CTNNA3: variants seen among roughly 807,000 people sequenced by gnomAD.
CTNNA3 encodes catenin alpha-3.
CTNNA3 carries 76 observed loss-of-function variants against 95.7 expected under a neutral mutation model. That is an observed-to-expected ratio of 0.79 (90% confidence interval 0.66 to 0.96). The LOEUF (loss-of-function observed/expected upper bound fraction) is 0.96. Ranked by LOEUF, CTNNA3 falls within the 40% of genes least tolerant of loss-of-function variation. The probability of loss-of-function intolerance (pLI) is 0.00; values close to 1 mark genes in which losing one functional copy is unlikely to be tolerated. For missense variants in CTNNA3, 1,191 were observed against 1,089.8 expected (o/e 1.09, Z -1.31); for synonymous variants, 431 against 374.4 (o/e 1.15, Z -1.74).
At chr10:66,379,478 G>A in intron 11 of CTNNA3, 126 bp from the exon 12 acceptor site, 1 of 780,908 alleles carries the variant, frequency 1.3e-6, no homozygotes, top group South Asian at 1.9e-5. Context: ...GGAAGACTTT[G>A]AGAATTATAA....
At chr10:66,111,565 G>A (rs558448786) in intron 13 of CTNNA3, among the ~76,000 whole-genome samples, 126 of 152,324 alleles carry the variant, frequency 8.3e-4, no homozygotes, top group South Asian at 1.9e-3. Flanking sequence ...TAGATACTGG[G>A]AATCTTGAAG....
Position 67,605,530 on chromosome 10 carries a change from C to A in CTNNA3, c.292+1327G>T, listed in dbSNP as rs530870166. ...GATTTAGATGCTCTTGCTACACACA[C>A]AAAAAAATGGGTAACTGTGAGATTA... is the stretch of plus-strand genomic sequence containing the variant. On this transcript the variant is annotated intron_variant, in intron 3 of 17. Coordinates refer to ENST00000433211, the MANE Select transcript of CTNNA3 (RefSeq NM_013266.4). Among the ~76,000 whole-genome samples the A allele has an allele frequency of 3.8e-4, 57 of 151,894 alleles. No individual in the cohort carries two copies. The South Asian group carries it at 0.01, about 28-fold the overall frequency.
intron 5 of CTNNA3, among the ~76,000 whole-genome samples, chr10:67,505,450 C>T (rs1468149630): frequency 6.6e-6 from 1 of 152,042 alleles, no homozygotes; most frequent in Non-Finnish European, 1.5e-5. Flanking sequence ...CATTCTGCAC[C>T]AAAAGTACCA....
At chr10:66,472,603 A>C (rs770719244) in intron 11 of CTNNA3, among the ~76,000 whole-genome samples, 1 of 152,034 alleles carries the variant, frequency 6.6e-6, no homozygotes, top group Non-Finnish European at 1.5e-5. Context: ...GTTCTCTACA[A>C]TAACAAAATT....
chr10:66,956,881 C>T (rs565905688), intron 7 of CTNNA3, among the ~76,000 whole-genome samples: 2 of 152,158 alleles, frequency 1.3e-5, no homozygotes, highest in East Asian at 1.9e-4. Context: ...CATCCTCCTA[C>T]GGGACAAAAA....
intron 9 of CTNNA3, among the ~76,000 whole-genome samples, chr10:66,729,360 A>G (rs1403069095): frequency 6.6e-6 from 1 of 152,262 alleles, no homozygotes; most frequent in Non-Finnish European, 1.5e-5. Context: ...GAGAGTGCAA[A>G]TTAGTTCAAC....
At chr10:66,364,497 T>C (rs1252504207) in intron 12 of CTNNA3, among the ~76,000 whole-genome samples, 2 of 152,136 alleles carry the variant, frequency 1.3e-5, no homozygotes, top group Non-Finnish European at 2.9e-5. Context: ...CACTTTTTTA[T>C]ATTTTGGACA....
intron 5 of CTNNA3, among the ~76,000 whole-genome samples, chr10:67,384,498 A>G (rs568763607): frequency 6.6e-6 from 1 of 152,308 alleles, no homozygotes; most frequent in South Asian, 2.1e-4. Flanking sequence ...AAAGGTACTG[A>G]GTTACATGTT....
intron 10 of CTNNA3, among the ~76,000 whole-genome samples, chr10:66,588,964 C>T (rs182119478): frequency 1.3e-5 from 2 of 152,092 alleles, no homozygotes; most frequent in Non-Finnish European, 2.9e-5. Context: ...GTTATAAAAA[C>T]CCAAAATTTA....
At chr10:66,818,595 TGAA>T (rs1364442005) in intron 7 of CTNNA3, among the ~76,000 whole-genome samples, 2 of 152,110 alleles carry the variant, frequency 1.3e-5, no homozygotes, top group African/African-American at 4.8e-5. Flanking sequence ...TGAAATAACC[TGAA>T]GAAGTTTTAA....
intron 7 of CTNNA3, among the ~76,000 whole-genome samples, chr10:66,955,043 A>C (rs1182647556): frequency 2.0e-5 from 3 of 152,200 alleles, no homozygotes; most frequent in Admixed American, 6.6e-5. Context: ...GCATTATCAA[A>C]GTCTTTCCAA....
At chr10:67,548,649 A>G (rs1840919579) in intron 3 of CTNNA3, among the ~76,000 whole-genome samples, 1 of 152,190 alleles carries the variant, frequency 6.6e-6, no homozygotes. Context: ...TAAAACTATA[A>G]AACTCTTAGA....
intron 11 of CTNNA3, among the ~76,000 whole-genome samples, chr10:66,438,989 C>T (rs1475680384): frequency 1.3e-5 from 2 of 152,096 alleles, no homozygotes; most frequent in Non-Finnish European, 2.9e-5. Context: ...GGTGATGCCC[C>T]ACCCTGCTTC....
At chr10:66,788,756 A>G (rs1840849054) in intron 7 of CTNNA3, among the ~76,000 whole-genome samples, 1 of 152,186 alleles carries the variant, frequency 6.6e-6, no homozygotes, top group African/African-American at 2.4e-5. Context: ...CAAGTACTGC[A>G]TTGAAGAACC....
intron 9 of CTNNA3, among the ~76,000 whole-genome samples, chr10:66,628,264 T>C (rs1021630609): frequency 6.6e-6 from 1 of 152,178 alleles, no homozygotes; most frequent in African/African-American, 2.4e-5. Flanking sequence ...TTTGGTGAAT[T>C]CTATTTTTTA....
intron 7 of CTNNA3, among the ~76,000 whole-genome samples, chr10:67,115,416 C>A (rs529683847): frequency 2.0e-5 from 3 of 151,836 alleles, no homozygotes; most frequent in Admixed American, 2.0e-4. Flanking sequence ...TGCAGCACAC[C>A]AGCATGGCAC....
Position 66,022,674 on chromosome 10 carries a change from A to G in CTNNA3, c.2160-33877T>C, listed in dbSNP as rs1030182735. On this transcript the variant is annotated intron_variant, in intron 15 of 17. Transcript: ENST00000433211. Reference sequence around the variant, plus strand: ...AAAGCAACCAAGCTTCCTTAGCAAGAGATACACAATTGCTTACCATCTGGG... The same window carrying G: ...AAAGCAACCAAGCTTCCTTAGCAAGGGATACACAATTGCTTACCATCTGGG... 2.8e-4 allele frequency among the ~76,000 whole-genome samples: 43 copies of G among 152,038 alleles called. 1 individual carries two copies. Among genetic ancestry groups the G allele is most frequent in the African/African-American group, 1.0e-3 (43 of 41,394 alleles).
chr10:66,251,113 A>G (rs1312777372), intron 13 of CTNNA3, among the ~76,000 whole-genome samples: 1 of 152,088 alleles, frequency 6.6e-6, no homozygotes, highest in Non-Finnish European at 1.5e-5. Context: ...TGCACCAGGA[A>G]CCTCTTAGAA....
intron 1 of CTNNA3, among the ~76,000 whole-genome samples, chr10:67,702,262 T>C (rs1488924765): frequency 7.9e-5 from 12 of 152,236 alleles, no homozygotes; most frequent in Non-Finnish European, 1.6e-4. Flanking sequence ...AACTCAGCTC[T>C]GCACCAAGCG....
Sources: allele counts gnomAD v4.1 joint callset (sites outside exome capture counted in the v4.1 genomes callset), GRCh38; gene constraint gnomAD v4.1.1; transcripts MANE v1.5; gene names NCBI Gene and HGNC (gene_info 2026-07-23, HGNC 2026-07-21).